Variants in DEPTOR observed in about 807,000 individuals in gnomAD.
The protein encoded by DEPTOR is DEP domain-containing mTOR-interacting protein.
Under a neutral mutation model 41.6 loss-of-function variants are expected in DEPTOR, and 41 were observed. The observed-to-expected ratio is 0.98, with a 90% CI of 0.77 to 1.28. The LOEUF (loss-of-function observed/expected upper bound fraction) is 1.28. DEPTOR is among the 50% of genes most tolerant of loss of function. The probability of loss-of-function intolerance (pLI) is 0.00; values close to 1 mark genes in which losing one functional copy is unlikely to be tolerated. For synonymous variants in DEPTOR, 195 were observed against 192.3 expected (o/e 1.01, Z -0.12); for missense variants, 514 against 527.9 (o/e 0.97, Z 0.26).
At chr8:120,022,879 C>T (rs1263080133) in intron 8 of DEPTOR, among the ~76,000 whole-genome samples, 2 of 152,122 alleles carry the variant, frequency 1.3e-5, no homozygotes, top group African/African-American at 2.4e-5. Flanking sequence ...ACTCAACTGA[C>T]CTGTACCTGG....
At chr8:119,875,109 A>T (rs1483594319) in intron 1 of DEPTOR, among the ~76,000 whole-genome samples, 1 of 152,196 alleles carries the variant, frequency 6.6e-6, no homozygotes, top group Non-Finnish European at 1.5e-5. Flanking sequence ...GTTGATTTTT[A>T]AAAATACGTG....
At chr8:119,877,320 G>A (rs540458349) in intron 1 of DEPTOR, among the ~76,000 whole-genome samples, 20 of 152,276 alleles carry the variant, frequency 1.3e-4, no homozygotes, top group Admixed American at 9.2e-4. Context: ...AATGAATATC[G>A]TAAGTATTCA....
intron 3 of DEPTOR, among the ~76,000 whole-genome samples, chr8:119,934,161 G>A (rs1031757794): frequency 5.3e-5 from 8 of 152,082 alleles, no homozygotes; most frequent in South Asian, 2.1e-4. Flanking sequence ...GATTATAGGC[G>A]TGAGCCACTG....
At chr8:120,000,519 G>T (rs1812330663) in intron 4 of DEPTOR, among the ~76,000 whole-genome samples, 1 of 152,040 alleles carries the variant, frequency 6.6e-6, no homozygotes, top group Admixed American at 6.5e-5. Context: ...CTGGAGTGCA[G>T]TGGTGCAATC....
intron 1 of DEPTOR, among the ~76,000 whole-genome samples, chr8:119,904,965 C>CTTTTTT (rs71304920): frequency 2.8e-3 from 239 of 85,976 alleles, no homozygotes; most frequent in Middle Eastern, 0.014. Flanking sequence ...CTAATTTTTG[C>CTTTTTT]TTTTTTTTTT....
intron 3 of DEPTOR, among the ~76,000 whole-genome samples, chr8:119,964,515 C>CAAAAAA (rs536731714): frequency 5.7e-4 from 69 of 121,670 alleles, no homozygotes; most frequent in African/African-American, 1.7e-3. Flanking sequence ...AAGCCCGTCT[C>CAAAAAA]AAAAAAAAAA....
At chr8:120,011,680 G>C (rs1812532807) in intron 8 of DEPTOR, among the ~76,000 whole-genome samples, 1 of 152,160 alleles carries the variant, frequency 6.6e-6, no homozygotes, top group African/African-American at 2.4e-5. Flanking sequence ...CAAATGTACA[G>C]TGAAATTAAT....
chr8:119,988,165 T>A (rs1828853432), intron 4 of DEPTOR, among the ~76,000 whole-genome samples: 1 of 152,184 alleles, frequency 6.6e-6, no homozygotes, highest in African/African-American at 2.4e-5. Context: ...AATCTCCTGG[T>A]CTGCGGGTTG....
chr8:119,884,117 G>A (rs1281250265), intron 1 of DEPTOR, among the ~76,000 whole-genome samples: 1 of 152,206 alleles, frequency 6.6e-6, no homozygotes, highest in Non-Finnish European at 1.5e-5. Context: ...GAGTGCAGTG[G>A]CATGATCTTG....
At chr8:120,016,656 G>A (rs1812616102) in intron 8 of DEPTOR, among the ~76,000 whole-genome samples, 1 of 151,608 alleles carries the variant, frequency 6.6e-6, no homozygotes, top group Non-Finnish European at 1.5e-5. Flanking sequence ...AGTCTGGAGT[G>A]CAGTGGCCTG....
intron 1 of DEPTOR, among the ~76,000 whole-genome samples, chr8:119,880,509 T>C (rs543881913): frequency 5.9e-5 from 9 of 152,250 alleles, no homozygotes; most frequent in African/African-American, 2.2e-4. Flanking sequence ...ACTTAGAGGG[T>C]TAAAAAAAAT....
In DEPTOR at chr8:119,932,790, AG is replaced by A. The variant is rs1438886102; in HGVS notation, c.425+2856del. Among the ~76,000 whole-genome samples the A allele has an allele frequency of 3.9e-5, 6 of 152,302 alleles. No homozygotes were observed. The East Asian group carries it at 1.2e-3, about 29-fold the overall frequency. ...CTGAGGGTGGTGGGGTACTTTAAATAGGGGCATCGGGGAAGACGTTTTTGAA... is the reference window on the plus strand; with the variant it reads ...CTGAGGGTGGTGGGGTACTTTAAATAGGGCATCGGGGAAGACGTTTTTGAA... On this transcript the variant is annotated intron_variant, in intron 3 of 8. Transcript: ENST00000286234.
At chr8:120,003,201 T>C (rs765765017) in intron 6 of DEPTOR, 90 bp downstream of exon 6, 6 of 1,554,256 alleles carry the variant, frequency 3.9e-6, no homozygotes, top group Non-Finnish European at 4.3e-6. Flanking sequence ...GGGAGACTAG[T>C]GTGTGGGTTC....
chr8:119,900,432 G>A (rs536679837), intron 1 of DEPTOR, among the ~76,000 whole-genome samples: 21 of 110,316 alleles, frequency 1.9e-4, no homozygotes, highest in African/African-American at 7.5e-4. Context: ...ACTTGCCTAG[G>A]CTGGAGTGCA....
intron 1 of DEPTOR, among the ~76,000 whole-genome samples, chr8:119,893,746 T>G (rs1267228437): frequency 6.7e-6 from 1 of 150,022 alleles, no homozygotes; most frequent in Non-Finnish European, 1.5e-5. Flanking sequence ...GAGAATTGCT[T>G]GAACCCAGTG....
intron 5 of DEPTOR, among the ~76,000 whole-genome samples, chr8:120,002,430 G>A (rs4520205): frequency 0.65 from 99,146 of 151,808 alleles, 33,464 homozygotes; most frequent in Middle Eastern, 0.76. Context: ...GAACCACTGC[G>A]CCCGGCCTTA....
chr8:119,963,936 G>A (rs1828523141), intron 3 of DEPTOR, among the ~76,000 whole-genome samples: 1 of 152,162 alleles, frequency 6.6e-6, no homozygotes, highest in Admixed American at 6.5e-5. Flanking sequence ...ACATTTGTTT[G>A]GGAGGTCCAA....
chr8:119,876,082 A>G (rs1366026526), intron 1 of DEPTOR, among the ~76,000 whole-genome samples: 3 of 152,206 alleles, frequency 2.0e-5, no homozygotes, highest in African/African-American at 7.2e-5. Context: ...CAAATATTAA[A>G]TTGCATGATG....
chr8:119,999,751 A>G (rs2130075640), intron 4 of DEPTOR, among the ~76,000 whole-genome samples: 1 of 152,376 alleles, frequency 6.6e-6, no homozygotes, highest in East Asian at 1.9e-4. Flanking sequence ...GATTCCACTT[A>G]CATAATGTTC....
Sources: gnomAD v4.1 joint callset for allele counts (sites outside exome capture counted in the v4.1 genomes callset) on GRCh38, gnomAD v4.1.1 for gene constraint, MANE v1.5 for transcripts, NCBI Gene and HGNC (gene_info 2026-07-23, HGNC 2026-07-21) for gene names.